PPP2R5E: variants seen among roughly 807,000 people sequenced by gnomAD.
The protein encoded by PPP2R5E is serine/threonine-protein phosphatase 2A 56 kDa regulatory subunit epsilon isoform.
In PPP2R5E, 4 loss-of-function variants were observed where a neutral mutation model predicts 65.3. That is an observed-to-expected ratio of 0.06 (90% CI 0.03 to 0.14). PPP2R5E has a LOEUF of 0.14. Ranked by LOEUF, PPP2R5E falls within the 10% of genes least tolerant of loss-of-function variation. PPP2R5E has a pLI of 1.00. For missense variants in PPP2R5E, 274 were observed against 556.1 expected (o/e 0.49, Z 5.10); for synonymous variants, 183 against 187.4 (o/e 0.98, Z 0.19).
chr14:63,534,202 CT>C lies in PPP2R5E; in HGVS notation c.157+5326del, dbSNP rs543298324. Among the ~76,000 whole-genome samples, 25 of 152,238 alleles carry C rather than the reference CT, an allele frequency of 1.6e-4. 1 individual carries two copies. In the East Asian group the frequency reaches 4.8e-3, roughly 29 times the overall value. ...GTGTTTGCCTAACTGTTTAGTTTGACTGTCTTACTCAACAACTTACCTAGAT... is the reference window on the plus strand; with the variant it reads ...GTGTTTGCCTAACTGTTTAGTTTGACGTCTTACTCAACAACTTACCTAGAT... On this transcript the variant is annotated intron_variant, in intron 2 of 13. Transcript: ENST00000337537.
At chr14:63,396,447 G>T in intron 6 of PPP2R5E, 139 bp downstream of exon 6, 1 of 1,107,800 alleles carries the variant, frequency 9.0e-7, no homozygotes. Flanking sequence ...AGAGGCAGGA[G>T]AGTCAGTAGA....
At chr14:63,400,837 G>A (rs192204776) in intron 5 of PPP2R5E, among the ~76,000 whole-genome samples, 202 of 151,908 alleles carry the variant, frequency 1.3e-3, no homozygotes, top group African/African-American at 4.7e-3. Flanking sequence ...AATTAACCTT[G>A]TAAGTTTTAT....
intron 2 of PPP2R5E, among the ~76,000 whole-genome samples, chr14:63,486,189 T>C (rs908975429): frequency 3.3e-5 from 5 of 151,832 alleles, no homozygotes; most frequent in African/African-American, 1.2e-4. Context: ...AAATGTACCC[T>C]AATCCCATTT....
intron 2 of PPP2R5E, among the ~76,000 whole-genome samples, chr14:63,525,702 C>A (rs1484512928): frequency 1.3e-5 from 2 of 152,186 alleles, no homozygotes; most frequent in Non-Finnish European, 2.9e-5. Flanking sequence ...CACCCACTGA[C>A]CACAAGATAA....
At chr14:63,522,797 C>T (rs1892993966) in intron 2 of PPP2R5E, among the ~76,000 whole-genome samples, 1 of 151,532 alleles carries the variant, frequency 6.6e-6, no homozygotes, top group African/African-American at 2.4e-5. Context: ...GCAGCCACCC[C>T]GTCCAGGAAG....
At chr14:63,479,217 G>A (rs1890570052) in intron 2 of PPP2R5E, 1 of 152,120 alleles carries the variant, frequency 6.6e-6, no homozygotes, top group South Asian at 2.1e-4. Flanking sequence ...AAAACACACA[G>A]AGATACACTC....
intron 2 of PPP2R5E, among the ~76,000 whole-genome samples, chr14:63,476,707 C>T (rs993745576): frequency 1.3e-5 from 2 of 152,120 alleles, no homozygotes; most frequent in African/African-American, 4.8e-5. Flanking sequence ...CCCTATACTG[C>T]TGGTGATCAC....
At chr14:63,531,293 A>G (rs1594978431) in intron 2 of PPP2R5E, among the ~76,000 whole-genome samples, 1 of 139,006 alleles carries the variant, frequency 7.2e-6, no homozygotes. Flanking sequence ...CATCCCCCCG[A>G]CCCCACAACA....
intron 3 of PPP2R5E, among the ~76,000 whole-genome samples, chr14:63,431,252 G>A (rs947867617): frequency 1.1e-4 from 16 of 149,510 alleles, no homozygotes; most frequent in African/African-American, 3.7e-4. Flanking sequence ...TGGCGACAGA[G>A]CTAGACTCTA....
intron 3 of PPP2R5E, among the ~76,000 whole-genome samples, chr14:63,434,765 T>A (rs1299212035): frequency 6.6e-6 from 1 of 152,204 alleles, no homozygotes; most frequent in Non-Finnish European, 1.5e-5. Flanking sequence ...AAGTTCACTA[T>A]TTTTTTAACC....
intron 2 of PPP2R5E, 142 bp downstream of exon 2, chr14:63,539,387 T>C (rs1893795357): frequency 1.2e-6 from 1 of 839,496 alleles, no homozygotes; most frequent in Non-Finnish European, 1.7e-6. Flanking sequence ...GTATATTTGG[T>C]CACACATTAG....
chr14:63,495,207 A>C (rs1291823463), intron 2 of PPP2R5E, among the ~76,000 whole-genome samples: 2 of 151,040 alleles, frequency 1.3e-5, no homozygotes, highest in Non-Finnish European at 3.0e-5. Context: ...TGTCTCAAAG[A>C]CACACACACA....
intron 2 of PPP2R5E, among the ~76,000 whole-genome samples, chr14:63,513,265 G>A (rs2139702896): frequency 6.6e-6 from 1 of 152,242 alleles, no homozygotes; most frequent in Non-Finnish European, 1.5e-5. Flanking sequence ...TCATGCACTG[G>A]TGTATTCAAA....
At chr14:63,477,638 A>T (rs1401576984) in intron 2 of PPP2R5E, among the ~76,000 whole-genome samples, 2 of 152,122 alleles carry the variant, frequency 1.3e-5, no homozygotes, top group African/African-American at 2.4e-5. Flanking sequence ...TTGCCAAATA[A>T]ATGCAAATAC....
intron 3 of PPP2R5E, among the ~76,000 whole-genome samples, chr14:63,427,495 C>G (rs750971678): frequency 2.6e-5 from 4 of 151,974 alleles, no homozygotes; most frequent in Non-Finnish European, 4.4e-5. Flanking sequence ...ATGTTAGGAT[C>G]AAACTAAAGG....
chr14:63,513,063 A>G (rs866182815), intron 2 of PPP2R5E, among the ~76,000 whole-genome samples: 35 of 151,808 alleles, frequency 2.3e-4, no homozygotes, highest in Middle Eastern at 3.4e-3. Flanking sequence ...GCTGGGGGGG[A>G]AAAATTACCT....
chr14:63,493,509 G>A (rs926879231), intron 2 of PPP2R5E, among the ~76,000 whole-genome samples: 2 of 151,690 alleles, frequency 1.3e-5, no homozygotes, highest in Non-Finnish European at 2.9e-5. Flanking sequence ...TGTGTGGTGG[G>A]GGGAGGGGGA....
chr14:63,446,555 C>T (rs1386232294), intron 3 of PPP2R5E, among the ~76,000 whole-genome samples: 3 of 152,060 alleles, frequency 2.0e-5, no homozygotes, highest in South Asian at 4.1e-4. Context: ...TTCGGCCGGG[C>T]ACGGTGGCTC....
chr14:63,409,239 AC>A lies in PPP2R5E; in HGVS notation c.549+5900del, dbSNP rs567359650. ...CAGAGCAAGACTCTGTCTCAAAAAA[AC>A]AATCAAATAAACAAAAAATAGCTGA... On this transcript the variant is annotated intron_variant, in intron 5 of 13. Transcript: ENST00000337537. Among the ~76,000 whole-genome samples, 562 of 152,042 alleles carry A rather than the reference AC, an allele frequency of 3.7e-3. 2 individuals are homozygous for A. The highest frequency in any genetic ancestry group is 0.013 in the African/African-American group (530 of 41,478).
Sources: gnomAD v4.1 joint callset for allele counts (sites outside exome capture counted in the v4.1 genomes callset) on GRCh38, gnomAD v4.1.1 for gene constraint, MANE v1.5 for transcripts, NCBI Gene and HGNC (gene_info 2026-07-23, HGNC 2026-07-21) for gene names.